Variants in ADAR observed in about 807,000 individuals in gnomAD.
ADAR encodes the protein adenosine deaminase RNA specific, also known as double-stranded RNA-specific adenosine deaminase.
Under a neutral mutation model 113.2 loss-of-function variants are expected in ADAR, and 41 were observed. The ratio of observed to expected loss-of-function variants is 0.36; its 90% confidence interval spans 0.28 to 0.47. ADAR has a LOEUF of 0.47. Among genes scored for constraint, ADAR ranks in the 20% least tolerant of loss-of-function variants. The pLI, the probability that ADAR is intolerant of heterozygous loss-of-function variation, is 1.00. For synonymous variants in ADAR, 605 were observed against 572.6 expected, an observed-to-expected ratio of 1.06 and a Z score of -0.81; for missense variants, 1,242 against 1,540.9, an observed-to-expected ratio of 0.81 and a Z score of 3.25.
chr1:154,609,609 C>G (rs1393693405), upstream of ADAR, among the ~76,000 whole-genome samples: 1 of 152,178 alleles, frequency 6.6e-6, no homozygotes. Flanking sequence ...TTCCCCACAG[C>G]AGGTAGGGGG....
intron 1 of ADAR, among the ~76,000 whole-genome samples, chr1:154,603,640 C>T (rs1007739986): frequency 3.9e-5 from 6 of 152,140 alleles, no homozygotes; most frequent in African/African-American, 1.4e-4. Context: ...TCCCCACCCA[C>T]CCACCTGCAA....
At position 154,597,755 on chromosome 1, in the gene ADAR, A is replaced by C. The variant is rs548010414; in HGVS notation, c.1934+73T>G. 249 of 1,590,186 alleles carry C rather than the reference A, an allele frequency of 1.6e-4. 3 individuals are homozygous for C. In the South Asian group the frequency reaches 1.9e-3, roughly 12 times the overall value. ...ATTGGTCAATCTGCCATCCCTGAGG[A>C]GGCAAGGAAGAAAATGTGTCTCTTT... On this transcript the variant is annotated intron_variant, in intron 4 of 14. Transcript: ENST00000368474.
upstream of ADAR, chr1:154,608,273 G>C: frequency 2.0e-6 from 1 of 497,922 alleles, no homozygotes; most frequent in Admixed American, 4.3e-5. Flanking sequence ...CGCCACGCTT[G>C]GTTTCAGGCC....
chr1:154,627,636 A>G (rs1239862046), intron 1 of ADAR, among the ~76,000 whole-genome samples: 1 of 152,216 alleles, frequency 6.6e-6, no homozygotes, highest in African/African-American at 2.4e-5. Context: ...ACACACGCAC[A>G]AAAGTACACC....
chr1:154,588,777 T>A, intron 9 of ADAR, 104 bp from the exon 10 acceptor site: 1 of 1,479,742 alleles, frequency 6.8e-7, no homozygotes, highest in South Asian at 1.1e-5. Context: ...AGTCTCAATG[T>A]TGCAGACGTT....
At chr1:154,624,100 C>CT (rs1279866312) in intron 1 of ADAR, among the ~76,000 whole-genome samples, 2 of 152,148 alleles carry the variant, frequency 1.3e-5, no homozygotes, top group African/African-American at 4.8e-5. Flanking sequence ...CAAGAAAGCC[C>CT]TCATGACATC....
chr1:154,596,720 C>G, intron 6 of ADAR, 85 bp downstream of exon 6: 1 of 1,525,308 alleles, frequency 6.6e-7, no homozygotes, highest in Non-Finnish European at 9.0e-7. Flanking sequence ...CTGTCCTACA[C>G]AGCTAAAGCA....
In ADAR at chr1:154,602,845, G is replaced by A. The variant is rs3738029; in HGVS notation, c.16-219C>T. 0.29 allele frequency among the ~76,000 whole-genome samples: 43,970 copies of A among 152,140 alleles called. 6,360 individuals carry two copies. Among genetic ancestry groups the A allele is most frequent in the Non-Finnish European group, 0.3 (20,272 of 67,974 alleles). On this transcript the variant is annotated intron_variant, in intron 1 of 14. Coordinates refer to ENST00000368474, the MANE Select transcript of ADAR (RefSeq NM_001111.5). ...GAGAGGGGAGCAGGAGGCAAAGCAC[G>A]CAGAACTTCCAGGAATACAGAGGTT... is the stretch of plus-strand genomic sequence containing the variant.
chr1:154,613,099 CT>C (rs1380796820), upstream of ADAR, among the ~76,000 whole-genome samples: 1 of 151,542 alleles, frequency 6.6e-6, no homozygotes, highest in Non-Finnish European at 1.5e-5. Context: ...GTGTGAGCCA[CT>C]GCGCTAGTCC....
chr1:154,617,516 C>T (rs528498930), intron 1 of ADAR, among the ~76,000 whole-genome samples: 1 of 152,076 alleles, frequency 6.6e-6, no homozygotes, highest in Non-Finnish European at 1.5e-5. Flanking sequence ...TGTGAGGACC[C>T]CTTAATAATA....
Position 154,588,608 on chromosome 1 carries a change from G to C in ADAR, c.2828C>G (p.Ala943Gly). 1.2e-6 allele frequency: 2 copies of C among 1,614,066 alleles called. No homozygotes were observed. The highest frequency in any genetic ancestry group is 1.7e-6 in the Non-Finnish European group (2 of 1,179,942). Residue 943 changes from alanine (A) to glycine (G), a missense_variant, in exon 10 of 15, where the codon GCT becomes GGT. Ala to Gly is a moderately conservative substitution (Grantham distance 60). Transcript: ENST00000368474. ...QTAKDSIFEP[A>G]KGGEKLQIKK... Reference sequence around the variant, plus strand: ...TATTTGGAGCTTTTCTCCTCCCTTAGCAGGTTCAAATATACTATCCTTCGC... The same window carrying C: ...TATTTGGAGCTTTTCTCCTCCCTTACCAGGTTCAAATATACTATCCTTCGC...
intron 6 of ADAR, among the ~76,000 whole-genome samples, chr1:154,593,882 AT>A (rs753954430): frequency 6.6e-6 from 1 of 151,618 alleles, no homozygotes; most frequent in Non-Finnish European, 1.5e-5. Context: ...ATTACTTCTG[AT>A]TTTTTTGTTT....
At position 154,601,727 on chromosome 1, in the gene ADAR, G is replaced by C. The variant is rs1697893763; in HGVS notation, c.915C>G (p.Asp305Glu). 1.2e-6 allele frequency: 2 copies of C among 1,614,214 alleles called. No individual in the cohort carries two copies. Among genetic ancestry groups the C allele is most frequent in the Non-Finnish European group, 1.7e-6 (2 of 1,180,048 alleles). The part of the protein sequence containing the change: ...DMAEIKEKIC[D>E]YLFNVSDSSA... Reference sequence around the variant, plus strand: ...AGGAGTCAGACACATTGAAGAGATAGTCGCAGATTTTCTCCTTGATCTCGG... The same window carrying C: ...AGGAGTCAGACACATTGAAGAGATACTCGCAGATTTTCTCCTTGATCTCGG... Residue 305 changes from aspartate (D) to glutamate (E), a missense_variant, in exon 2 of 15, where the codon GAC becomes GAG. By Grantham distance (45) the Asp-to-Glu change is conservative. This residue lies in a region of ADAR where 462 missense variants were observed against 483.1 expected (regional missense o/e 0.96). Coordinates refer to ENST00000368474, the MANE Select transcript of ADAR (RefSeq NM_001111.5). This position sits in a 1 kb window ranked among gnomAD's most constrained non-coding sequence, Gnocchi z 4.7.
rs201002575 is a variant in ADAR at position 154,616,557 on chromosome 1, AC to A, written c.-871+11297del. On this transcript the variant is annotated intron_variant, in intron 1 of 14. Coordinates refer to the ADAR transcript ENST00000368471. ...AGGAAGAGCTTGAGCTCTAACCCCT[AC>A]CCCCTCCCATCGCATGATTTCAAGA... Among the ~76,000 whole-genome samples the A allele has an allele frequency of 8.0e-4, 120 of 150,742 alleles. 1 individual carries two copies. The East Asian group carries it at 0.012, about 15-fold the overall frequency.
chr1:154,621,696 TACTC>T (rs1267959146), intron 1 of ADAR, among the ~76,000 whole-genome samples: 8 of 152,150 alleles, frequency 5.3e-5, no homozygotes, highest in South Asian at 2.1e-4. Context: ...TTTAGTAAAA[TACTC>T]AGTTCTGGAG....
intron 1 of ADAR, among the ~76,000 whole-genome samples, chr1:154,617,716 T>C (rs1325685514): frequency 1.3e-5 from 2 of 152,220 alleles, no homozygotes; most frequent in East Asian, 1.9e-4. Context: ...ATACATTTAA[T>C]ATAGTGCCCC....
At chr1:154,625,863 G>C (rs1032784280) in intron 1 of ADAR, among the ~76,000 whole-genome samples, 2 of 152,072 alleles carry the variant, frequency 1.3e-5, no homozygotes, top group South Asian at 4.2e-4. Context: ...AATTAGCCAG[G>C]CATGGTGGCA....
intron 1 of ADAR, among the ~76,000 whole-genome samples, chr1:154,602,989 C>A (rs1697984737): frequency 6.6e-6 from 1 of 152,156 alleles, no homozygotes; most frequent in Admixed American, 6.5e-5. Flanking sequence ...AAAATCAGAA[C>A]AACAAATATA....
At chr1:154,616,328 G>A (rs968507294) in intron 1 of ADAR, among the ~76,000 whole-genome samples, 6 of 152,088 alleles carry the variant, frequency 3.9e-5, no homozygotes, top group Non-Finnish European at 8.8e-5. Context: ...AAAGCCTTAC[G>A]TGGCCTAGCC....
Sources: gnomAD v4.1 joint callset for allele counts (sites outside exome capture counted in the v4.1 genomes callset) on GRCh38, gnomAD v4.1.1 for gene constraint, gnomAD v4.1.1 regional missense constraint, Gnocchi (gnomAD v3.1) non-coding constraint, MANE v1.5 for transcripts, NCBI Gene and HGNC (gene_info 2026-07-23, HGNC 2026-07-21) for gene names.